Variants in SCRIB observed in about 807,000 individuals in gnomAD.
SCRIB encodes scribble planar cell polarity protein.
A neutral mutation model predicts 170.0 loss-of-function variants in SCRIB; 72 were observed. The observed-to-expected ratio is 0.42, with a 90% CI of 0.35 to 0.52. The LOEUF is 0.52. SCRIB is among the 20% of genes least tolerant of loss of function. The pLI, the probability that SCRIB is intolerant of heterozygous loss-of-function variation, is 0.02. For missense variants in SCRIB, 2,475 were observed against 2,338.5 expected, an observed-to-expected ratio of 1.06 and a Z score of -1.20; for synonymous variants, 1,298 against 1,044.3, an observed-to-expected ratio of 1.24 and a Z score of -4.68.
At chr8:143,801,064 C>G (rs561996941) in intron 24 of SCRIB, among the ~76,000 whole-genome samples, 1 of 152,332 alleles carries the variant, frequency 6.6e-6, no homozygotes, top group African/African-American at 2.4e-5. Flanking sequence ...GATTTAAATG[C>G]GTGGCATTGG....
intron 24 of SCRIB, among the ~76,000 whole-genome samples, chr8:143,800,253 T>C (rs4874100): frequency 0.9 from 137,145 of 152,210 alleles, 61,811 homozygotes; most frequent in East Asian, 0.98. Flanking sequence ...ATAAGAGGAC[T>C]TCAGAAAACT....
At position 143,806,389 on chromosome 8, in the gene SCRIB, G is replaced by A. The variant is rs1554636562; in HGVS notation, c.2346+18C>T. 1 of 1,589,428 alleles carries A rather than the reference G, an allele frequency of 6.3e-7. No individual in the cohort carries two copies. The highest frequency in any genetic ancestry group is 8.6e-7 in the Non-Finnish European group (1 of 1,165,942). ...GAGGGCACAGCTGCCACTCGGGGCG[G>A]AGAGGTTGCCGACTCACCTCCAGGA... On this transcript the variant is annotated intron_variant, in intron 18 of 36. Coordinates refer to ENST00000356994, the MANE Select transcript of SCRIB (RefSeq NM_182706.5).
intron 21 of SCRIB, 102 bp downstream of exon 21, chr8:143,804,466 C>G: frequency 7.7e-7 from 1 of 1,293,504 alleles, no homozygotes; most frequent in East Asian, 2.6e-5. Context: ...GGCCGGCTTC[C>G]CACCTGGAGT....
intron 15 of SCRIB, 29 bp from the exon 16 acceptor site, chr8:143,807,643 A>G (rs782072563): frequency 6.3e-7 from 1 of 1,596,696 alleles, no homozygotes; most frequent in Non-Finnish European, 8.6e-7. Context: ...TGAGGCATGC[A>G]GGTTAGCCAC....
chr8:143,806,721 G>A, intron 17 of SCRIB, among the ~76,000 whole-genome samples: 1 of 152,218 alleles, frequency 6.6e-6, no homozygotes, highest in East Asian at 1.9e-4. Flanking sequence ...GGTGAGAGAA[G>A]GAGGGCTGTG....
chr8:143,796,675 C>G, intron 24 of SCRIB, among the ~76,000 whole-genome samples: 1 of 152,224 alleles, frequency 6.6e-6, no homozygotes, highest in Admixed American at 6.5e-5. Context: ...AGCACAGTTA[C>G]ACAGGCAGAC....
intron 15 of SCRIB, among the ~76,000 whole-genome samples, chr8:143,808,008 G>A (rs577913511): frequency 2.6e-5 from 4 of 152,342 alleles, no homozygotes; most frequent in African/African-American, 9.6e-5. Context: ...TGAGGGCCAG[G>A]GAGGGACACA....
At chr8:143,794,907 A>T in intron 27 of SCRIB, 131 bp downstream of exon 27, 1 of 781,756 alleles carries the variant, frequency 1.3e-6, no homozygotes, top group Non-Finnish European at 2.1e-6. Flanking sequence ...CCTGCAGGTC[A>T]GACGTGGCCT....
intron 24 of SCRIB, 62 bp downstream of exon 24, chr8:143,803,321 C>A: frequency 7.0e-7 from 1 of 1,432,050 alleles, no homozygotes; most frequent in Non-Finnish European, 9.3e-7. Context: ...GAGGTGTCAG[C>A]GGCTCACAAC....
chr8:143,814,756 G>C (rs186551383), intron 1 of SCRIB: 58 of 170,674 alleles, frequency 3.4e-4, no homozygotes, highest in Non-Finnish European at 5.2e-4. Flanking sequence ...CTGACCACGA[G>C]AAGCAAGGGT....
intron 13 of SCRIB, among the ~76,000 whole-genome samples, chr8:143,810,194 C>T (rs1471413540): frequency 1.3e-5 from 2 of 152,106 alleles, no homozygotes; most frequent in Non-Finnish European, 2.9e-5. Context: ...CACCAGAGAC[C>T]CTACCCCACA....
intron 21 of SCRIB, 71 bp downstream of exon 21, chr8:143,804,497 A>G: frequency 2.8e-6 from 4 of 1,432,394 alleles, no homozygotes; most frequent in Non-Finnish European, 3.7e-6. Flanking sequence ...GCCATAAGAG[A>G]GCAGGTCCTG....
intron 18 of SCRIB, among the ~76,000 whole-genome samples, chr8:143,805,655 C>A (rs2130086276): frequency 6.6e-6 from 1 of 152,302 alleles, no homozygotes; most frequent in African/African-American, 2.4e-5. Flanking sequence ...GTGGGAAGCC[C>A]TAGGGCCAGG....
At chr8:143,795,880 G>T (rs994150856) in intron 24 of SCRIB, among the ~76,000 whole-genome samples, 1 of 152,178 alleles carries the variant, frequency 6.6e-6, no homozygotes, top group Admixed American at 6.5e-5. Flanking sequence ...GGGAAGGAGG[G>T]GCGTGAGTAG....
At chr8:143,796,775 A>G (rs1193816713) in intron 24 of SCRIB, among the ~76,000 whole-genome samples, 1 of 152,190 alleles carries the variant, frequency 6.6e-6, no homozygotes, top group Non-Finnish European at 1.5e-5. Context: ...AACAAGTCAA[A>G]AAGCCACTGG....
chr8:143,814,559 G>A (rs1815946590), intron 1 of SCRIB, among the ~76,000 whole-genome samples: 1 of 152,146 alleles, frequency 6.6e-6, no homozygotes, highest in South Asian at 2.1e-4. Flanking sequence ...CAGGCACAGT[G>A]CTACGCGCGA....
rs114572979 is a variant in SCRIB, at chr8:143,809,923, C to T, written c.1531-205G>A. Among the ~76,000 whole-genome samples the T allele has an allele frequency of 2.9e-3, 439 of 152,312 alleles. 7 individuals carry two copies. Among genetic ancestry groups the T allele is most frequent in the African/African-American group, 9.7e-3 (402 of 41,558 alleles). Reference sequence around the variant, plus strand: ...CCAAAGCCTAGGGTGGACAAAGCCACGGTTCCACAGCCCAGCCCCAAGGAA... The same window carrying T: ...CCAAAGCCTAGGGTGGACAAAGCCATGGTTCCACAGCCCAGCCCCAAGGAA... On this transcript the variant is annotated intron_variant, in intron 13 of 36. Transcript: ENST00000356994.
chr8:143,807,100 C>T, intron 16 of SCRIB, 87 bp from the exon 17 acceptor site: 1 of 959,206 alleles, frequency 1.0e-6, no homozygotes, highest in Non-Finnish European at 1.6e-6. Flanking sequence ...CACGCAGATG[C>T]CATTTCTGGC....
intron 19 of SCRIB, 35 bp from the exon 20 acceptor site, chr8:143,805,049 T>G: frequency 6.3e-7 from 1 of 1,581,860 alleles, no homozygotes; most frequent in Non-Finnish European, 8.6e-7. Context: ...GGGCTGCCGG[T>G]GAGGCTGGAG....
Sources: allele counts gnomAD v4.1 joint callset (sites outside exome capture counted in the v4.1 genomes callset), GRCh38; gene constraint gnomAD v4.1.1; transcripts MANE v1.5; gene names NCBI Gene and HGNC (gene_info 2026-07-23, HGNC 2026-07-21).